The following BARD1 variants were observed in gnomAD, a reference collection of about 807,000 sequenced individuals.
The protein encoded by BARD1 is BRCA1-associated RING domain protein 1.
Under a neutral mutation model 77.0 loss-of-function variants are expected in BARD1, and 73 were observed. The observed-to-expected ratio is 0.95, with a 90% confidence interval of 0.79 to 1.15. The LOEUF is 1.15. BARD1 is among the 50% of genes most tolerant of loss of function. BARD1 has a pLI of 0.00. For missense variants in BARD1, 993 were observed against 938.8 expected (o/e 1.06, Z -0.75); for synonymous variants, 384 against 338.0 (o/e 1.14, Z -1.49).
intron 3 of BARD1, among the ~76,000 whole-genome samples, chr2:214,782,408 T>A (rs983824709): frequency 1.1e-4 from 16 of 152,090 alleles, no homozygotes; most frequent in African/African-American, 3.9e-4. Flanking sequence ...GTATTGTTTT[T>A]GTTCTGGGTG....
At chr2:214,791,974 A>T (rs1695533249) in intron 3 of BARD1, among the ~76,000 whole-genome samples, 1 of 151,944 alleles carries the variant, frequency 6.6e-6, no homozygotes. Flanking sequence ...TCAACTATAA[A>T]ATAAGGGGGT....
intron 3 of BARD1, among the ~76,000 whole-genome samples, chr2:214,787,239 T>C (rs1232496572): frequency 1.3e-5 from 2 of 151,848 alleles, no homozygotes; most frequent in African/African-American, 4.8e-5. Context: ...AAAACCTCAA[T>C]ATAAAAAGAA....
chr2:214,772,646 T>C (rs75087957), intron 4 of BARD1, among the ~76,000 whole-genome samples: 1 of 152,282 alleles, frequency 6.6e-6, no homozygotes, highest in East Asian at 1.9e-4. Context: ...TCTGTTAACA[T>C]TCTCCCCACC....
At chr2:214,777,421 C>G (rs1050151237) in intron 4 of BARD1, among the ~76,000 whole-genome samples, 1 of 152,210 alleles carries the variant, frequency 6.6e-6, no homozygotes, top group Non-Finnish European at 1.5e-5. Flanking sequence ...GGAGAACAAA[C>G]TCCTGCTGGG....
chr2:214,747,359 T>C (rs1309142229), intron 7 of BARD1, among the ~76,000 whole-genome samples: 1 of 142,552 alleles, frequency 7.0e-6, no homozygotes, highest in African/African-American at 2.7e-5. Context: ...TTACTGGGTA[T>C]ATACCCAAAG....
intron 4 of BARD1, among the ~76,000 whole-genome samples, chr2:214,778,355 A>G (rs992637531): frequency 3.3e-5 from 5 of 152,176 alleles, no homozygotes; most frequent in Non-Finnish European, 5.9e-5. Flanking sequence ...TGGTGATTTT[A>G]AAAACAATAA....
chr2:214,782,188 T>A (rs1695072693), intron 3 of BARD1, among the ~76,000 whole-genome samples: 1 of 152,194 alleles, frequency 6.6e-6, no homozygotes. Flanking sequence ...TCAAGCTGTA[T>A]AACCAAAGAT....
At chr2:214,748,899 A>C (rs867266551) in intron 7 of BARD1, among the ~76,000 whole-genome samples, 1 of 152,110 alleles carries the variant, frequency 6.6e-6, no homozygotes, top group Non-Finnish European at 1.5e-5. Flanking sequence ...AGTATGTGCC[A>C]AACACTGTTC....
intron 4 of BARD1, among the ~76,000 whole-genome samples, chr2:214,779,552 G>A (rs772152651): frequency 3.9e-5 from 6 of 152,146 alleles, no homozygotes; most frequent in Non-Finnish European, 7.4e-5. Context: ...AGCAGCAGCT[G>A]GGATAAGCTC....
chr2:214,752,852 G>T (rs774413977), intron 6 of BARD1, among the ~76,000 whole-genome samples: 1 of 152,092 alleles, frequency 6.6e-6, no homozygotes, highest in Non-Finnish European at 1.5e-5. Context: ...ATCACTATAA[G>T]TGACAGACTT....
At chr2:214,759,360 G>A (rs371873104) in intron 6 of BARD1, among the ~76,000 whole-genome samples, 1 of 152,104 alleles carries the variant, frequency 6.6e-6, no homozygotes, top group African/African-American at 2.4e-5. Context: ...GTGACCGTAA[G>A]AGCTGTGGTT....
At chr2:214,765,614 T>C (rs1221607838) in intron 6 of BARD1, among the ~76,000 whole-genome samples, 2 of 152,206 alleles carry the variant, frequency 1.3e-5, no homozygotes, top group African/African-American at 2.4e-5. Flanking sequence ...GAATGAAAAC[T>C]AGTCAGTTTC....
At chr2:214,767,071 C>T (rs574278269) in intron 6 of BARD1, among the ~76,000 whole-genome samples, 62 of 152,118 alleles carry the variant, frequency 4.1e-4, no homozygotes, top group African/African-American at 1.4e-3. Flanking sequence ...TGAGAACATG[C>T]GGTATTTGGT....
In BARD1 at chr2:214,801,936, T is replaced by C. The variant is rs948251645; in HGVS notation, c.159-4819A>G. Among the ~76,000 whole-genome samples, 7 of 149,292 alleles carry C rather than the reference T, an allele frequency of 4.7e-5. No homozygotes were observed. The Admixed American group carries it at 4.7e-4, about 10-fold the overall frequency. ...GTACAGTGGCATGATCACAGCTCACTGAGCTTTGAACTCCTGAGCTGAAGA... is the reference window on the plus strand; with the variant it reads ...GTACAGTGGCATGATCACAGCTCACCGAGCTTTGAACTCCTGAGCTGAAGA... On this transcript the variant is annotated intron_variant, in intron 1 of 10. Coordinates refer to ENST00000260947, the MANE Select transcript of BARD1 (RefSeq NM_000465.4).
intron 3 of BARD1, among the ~76,000 whole-genome samples, chr2:214,791,843 T>C (rs1695527548): frequency 6.6e-6 from 1 of 152,104 alleles, no homozygotes; most frequent in African/African-American, 2.4e-5. Context: ...GCAGGCAATG[T>C]AAAGCAGCAA....
chr2:214,743,462 A>T (rs1692941897), intron 9 of BARD1, among the ~76,000 whole-genome samples: 1 of 152,246 alleles, frequency 6.6e-6, no homozygotes, highest in Non-Finnish European at 1.5e-5. Flanking sequence ...GTTTCAAAGG[A>T]ATGTACAGAG....
intron 1 of BARD1, among the ~76,000 whole-genome samples, chr2:214,803,009 A>C (rs1696094094): frequency 6.6e-6 from 1 of 152,080 alleles, no homozygotes; most frequent in South Asian, 2.1e-4. Flanking sequence ...GATTCTGTTA[A>C]TCTATGACCC....
Position 214,729,898 on chromosome 2 carries a change from C to G in BARD1, c.2001+513G>C, listed in dbSNP as rs139622275. 2.9e-3 allele frequency among the ~76,000 whole-genome samples: 448 copies of G among 152,178 alleles called. 2 individuals are homozygous for G. The highest frequency in any genetic ancestry group is 9.9e-3 in the African/African-American group (409 of 41,520). Reference sequence around the variant, plus strand: ...CTCCAGGGTTCCAGAAATGTATTCACGGGGCACAAAAGATTTTTGTGCTGA... The same window carrying G: ...CTCCAGGGTTCCAGAAATGTATTCAGGGGGCACAAAAGATTTTTGTGCTGA... On this transcript the variant is annotated intron_variant, in intron 10 of 10. Coordinates refer to ENST00000260947, the MANE Select transcript of BARD1 (RefSeq NM_000465.4).
chr2:214,743,529 A>G (rs182817924), intron 9 of BARD1, among the ~76,000 whole-genome samples: 4 of 152,336 alleles, frequency 2.6e-5, no homozygotes, highest in Admixed American at 6.5e-5. Flanking sequence ...CCGCTATAAC[A>G]TAATACCAAC....
Sources: gnomAD v4.1 joint callset for allele counts (sites outside exome capture counted in the v4.1 genomes callset) on GRCh38, gnomAD v4.1.1 for gene constraint, MANE v1.5 for transcripts, NCBI Gene and HGNC (gene_info 2026-07-23, HGNC 2026-07-21) for gene names.